Variants in PDE7A observed in about 807,000 individuals in gnomAD.
PDE7A encodes the protein high affinity 3',5'-cyclic-AMP phosphodiesterase 7A.
In PDE7A, 39 loss-of-function variants were observed where a neutral mutation model predicts 64.3. The ratio of observed to expected loss-of-function variants is 0.61; its 90% CI spans 0.47 to 0.79. The LOEUF is 0.79. Among genes scored for constraint, PDE7A ranks in the 30% least tolerant of loss-of-function variants. The pLI is 0.00. For synonymous variants in PDE7A, 203 were observed against 206.8 expected, an observed-to-expected ratio of 0.98 and a Z score of 0.16; for missense variants, 470 against 582.8, an observed-to-expected ratio of 0.81 and a Z score of 1.99.
At chr8:65,730,133 T>C (rs990424880) in intron 7 of PDE7A, among the ~76,000 whole-genome samples, 3 of 148,236 alleles carry the variant, frequency 2.0e-5, no homozygotes, top group Admixed American at 6.7e-5. Context: ...CAAACCCTAT[T>C]GTAAACTGTG....
intron 1 of PDE7A, among the ~76,000 whole-genome samples, chr8:65,819,840 C>T (rs1037695937): frequency 2.6e-5 from 4 of 152,132 alleles, no homozygotes; most frequent in Non-Finnish European, 5.9e-5. Context: ...TAGGCATAGC[C>T]GTGTCACTAA....
chr8:65,830,520 C>T (rs1356348178), intron 1 of PDE7A, among the ~76,000 whole-genome samples: 1 of 151,984 alleles, frequency 6.6e-6, no homozygotes, highest in Non-Finnish European at 1.5e-5. Flanking sequence ...TCAAGCAGAA[C>T]CCCATCTTTT....
intron 1 of PDE7A, among the ~76,000 whole-genome samples, chr8:65,810,179 G>T (rs1810220623): frequency 6.6e-6 from 1 of 152,162 alleles, no homozygotes; most frequent in Admixed American, 6.5e-5. Flanking sequence ...AAAAAAGGAT[G>T]AGTTCCTGTC....
rs187515764 is a variant in PDE7A at position 65,715,860 on chromosome 8, C to T, written c.*3430G>A. On this transcript the variant is annotated 3_prime_UTR_variant, in exon 13 of 13. Coordinates refer to ENST00000401827, the MANE Select transcript of PDE7A (RefSeq NM_001242318.3). ...AAAATTAGCAGGGCCTGGTGGCGGG[C>T]GCCTGTAGTCCCAGCGACCTGGGAG... Among the ~76,000 whole-genome samples, 25 of 150,094 alleles carry T rather than the reference C, an allele frequency of 1.7e-4. No homozygotes were observed. Among genetic ancestry groups the T allele is most frequent in the South Asian group, 6.3e-4 (3 of 4,732 alleles).
chr8:65,752,125 T>C (rs1245388755), intron 3 of PDE7A, among the ~76,000 whole-genome samples: 4 of 152,242 alleles, frequency 2.6e-5, no homozygotes, highest in Non-Finnish European at 5.9e-5. Context: ...TAATTTTCAG[T>C]TATTGCACGA....
chr8:65,775,883 C>A (rs1454010228), intron 3 of PDE7A, among the ~76,000 whole-genome samples: 1 of 152,216 alleles, frequency 6.6e-6, no homozygotes, highest in Non-Finnish European at 1.5e-5. Context: ...CCTGCCTCGG[C>A]TTTCCAAAGT....
chr8:65,835,536 G>GC (rs1810930399), intron 1 of PDE7A, among the ~76,000 whole-genome samples: 1 of 152,040 alleles, frequency 6.6e-6, no homozygotes, highest in Admixed American at 6.6e-5. Flanking sequence ...TCCCAAACTT[G>GC]CCCCTACATT....
intron 5 of PDE7A, among the ~76,000 whole-genome samples, chr8:65,743,893 C>T (rs966346439): frequency 5.9e-5 from 9 of 151,398 alleles, no homozygotes; most frequent in Non-Finnish European, 1.2e-4. Context: ...AGTGCAATGG[C>T]GCGATCTCAG....
Position 65,719,486 on chromosome 8 carries a change from G to A in PDE7A, c.1253C>T (p.Thr418Ile), listed in dbSNP as rs1806286524. Residue 418 changes from threonine to isoleucine, a missense_variant, in exon 13 of 13, where the codon ACT becomes ATT. By Grantham distance (89) the Thr-to-Ile change is moderately conservative. Transcript: ENST00000401827. ...TGTAAATAAAGGCTCCACTAGGTAA[G>A]TCATAAAACCTTGAGAAAATAGGAG... ...SIANIQIGFM[T>I]YLVEPLFTEW... The A allele has an allele frequency of 3.1e-6, 5 of 1,610,466 alleles. No homozygotes were observed. The highest frequency in any genetic ancestry group is 4.2e-6 in the Non-Finnish European group (5 of 1,176,772).
intron 10 of PDE7A, among the ~76,000 whole-genome samples, 160 bp from the exon 11 acceptor site, chr8:65,724,511 C>T (rs1442244257): frequency 6.6e-6 from 1 of 152,088 alleles, no homozygotes; most frequent in African/African-American, 2.4e-5. Flanking sequence ...GAATAAAATG[C>T]TATTTCTTAA....
At chr8:65,836,607 G>A (rs1049716921) in intron 1 of PDE7A, among the ~76,000 whole-genome samples, 15 of 152,086 alleles carry the variant, frequency 9.9e-5, no homozygotes, top group African/African-American at 2.9e-4. Flanking sequence ...ATACATCAAC[G>A]AAAACCTAAA....
intron 3 of PDE7A, among the ~76,000 whole-genome samples, chr8:65,755,278 C>T (rs1808171578): frequency 6.6e-6 from 1 of 152,138 alleles, no homozygotes; most frequent in African/African-American, 2.4e-5. Flanking sequence ...GCCTCAGCCT[C>T]CCAAAGTGCT....
At chr8:65,833,188 T>G (rs75197828) in intron 1 of PDE7A, among the ~76,000 whole-genome samples, 5,642 of 152,266 alleles carry the variant, frequency 0.037, 148 homozygotes, top group African/African-American at 0.075. Flanking sequence ...CTGTCCCCTC[T>G]CACCAACTCT....
chr8:65,792,992 A>G (rs1262171623), intron 1 of PDE7A, among the ~76,000 whole-genome samples: 2 of 152,132 alleles, frequency 1.3e-5, no homozygotes, highest in African/African-American at 4.8e-5. Context: ...CTCCTAGTAT[A>G]AAGAAGTAAA....
In PDE7A at chr8:65,731,785, T is replaced by C. The variant is rs138945651; in HGVS notation, c.696+3009A>G. ...AGAATTAGCTCTTCCATATAAATTATAAGGTATAAAAACTGAAAACAAATT... is the reference window on the plus strand; with the variant it reads ...AGAATTAGCTCTTCCATATAAATTACAAGGTATAAAAACTGAAAACAAATT... On this transcript the variant is annotated intron_variant, in intron 7 of 12. Coordinates refer to ENST00000401827, the MANE Select transcript of PDE7A (RefSeq NM_001242318.3). Among the ~76,000 whole-genome samples the C allele has an allele frequency of 6.3e-4, 96 of 152,306 alleles. 1 individual carries two copies. In the East Asian group the frequency reaches 0.018, roughly 29 times the overall value.
chr8:65,746,883 C>T (rs1288062531), intron 4 of PDE7A, among the ~76,000 whole-genome samples: 8 of 152,048 alleles, frequency 5.3e-5, no homozygotes, highest in African/African-American at 1.9e-4. Flanking sequence ...GCTTTACCTA[C>T]ACAACTTAAA....
At chr8:65,803,635 A>G (rs1399695780) in intron 1 of PDE7A, among the ~76,000 whole-genome samples, 1 of 152,238 alleles carries the variant, frequency 6.6e-6, no homozygotes, top group African/African-American at 2.4e-5. Context: ...GCACACACCC[A>G]CAAGATAGGC....
intron 1 of PDE7A, among the ~76,000 whole-genome samples, chr8:65,831,585 A>C (rs1267875848): frequency 1.3e-5 from 2 of 152,144 alleles, no homozygotes; most frequent in Non-Finnish European, 2.9e-5. Context: ...TCTCTCATGG[A>C]AAGTAAAATT....
chr8:65,762,801 T>C (rs1452200885), intron 3 of PDE7A, among the ~76,000 whole-genome samples: 1 of 152,112 alleles, frequency 6.6e-6, no homozygotes, highest in Non-Finnish European at 1.5e-5. Flanking sequence ...ATTGGAAACA[T>C]TTAAAATATT....
Sources: gnomAD v4.1 joint callset for allele counts (sites outside exome capture counted in the v4.1 genomes callset) on GRCh38, gnomAD v4.1.1 for gene constraint, MANE v1.5 for transcripts, NCBI Gene and HGNC (gene_info 2026-07-23, HGNC 2026-07-21) for gene names.